The following GALK2 variants were observed in gnomAD, a reference collection of about 807,000 sequenced individuals.
The protein encoded by GALK2 is galactokinase 2.
In GALK2, 36 loss-of-function variants were observed where a neutral mutation model predicts 52.4. The ratio of observed to expected loss-of-function variants is 0.69; its 90% confidence interval spans 0.53 to 0.91. The LOEUF is 0.91. Among genes scored for constraint, GALK2 ranks in the 40% least tolerant of loss-of-function variants. GALK2 has a pLI of 0.00. For missense variants in GALK2, 579 were observed against 559.1 expected (o/e 1.04, Z -0.36); for synonymous variants, 176 against 199.1 (o/e 0.88, Z 0.98).
intron 5 of GALK2, among the ~76,000 whole-genome samples, chr15:49,274,020 C>G (rs1309367503): frequency 6.6e-6 from 1 of 152,122 alleles, no homozygotes; most frequent in Non-Finnish European, 1.5e-5. Context: ...AAGGTACCCT[C>G]GACAGGGAGA....
intron 3 of GALK2, among the ~76,000 whole-genome samples, chr15:49,231,640 T>C (rs949202505): frequency 5.9e-5 from 9 of 152,260 alleles, no homozygotes; most frequent in African/African-American, 2.2e-4. Flanking sequence ...TAGTTATTAC[T>C]TCCAACATAC....
At chr15:49,333,870 G>A (rs1257850287), downstream of GALK2, among the ~76,000 whole-genome samples, 2 of 151,980 alleles carry the variant, frequency 1.3e-5, no homozygotes, top group African/African-American at 2.4e-5. Flanking sequence ...GCTTCATTGA[G>A]GAAAAATGTT....
At position 49,188,050 on chromosome 15, in the gene GALK2, G is replaced by A. The variant is rs80060157; in HGVS notation, c.54-13112G>A. The stretch of plus-strand genomic sequence containing the variant: ...ACTGGGAATGCACAGGGTCACCCAA[G>A]GCCTATGACAAGTACTGCCTGGCAA... On this transcript the variant is annotated intron_variant, in intron 1 of 9. Coordinates refer to ENST00000560031, the MANE Select transcript of GALK2 (RefSeq NM_002044.4). Among the ~76,000 whole-genome samples the A allele has an allele frequency of 5.9e-3, 902 of 152,174 alleles. 15 individuals carry two copies. The highest frequency in any genetic ancestry group is 0.021 in the African/African-American group (869 of 41,506).
At chr15:49,265,651 C>A (rs1020943403) in intron 5 of GALK2, among the ~76,000 whole-genome samples, 1 of 152,246 alleles carries the variant, frequency 6.6e-6, no homozygotes, top group South Asian at 2.1e-4. Context: ...CAGAAATCAC[C>A]CGTCTTCTGC....
chr15:49,322,020 G>A (rs1002104839), intron 9 of GALK2, among the ~76,000 whole-genome samples: 5 of 152,160 alleles, frequency 3.3e-5, no homozygotes, highest in African/African-American at 9.7e-5. Flanking sequence ...CTGTTGCTTC[G>A]CTTTGTGTTC....
chr15:49,253,100 G>T lies in GALK2; in HGVS notation c.504+13733G>T, dbSNP rs2091678360. Among the ~76,000 whole-genome samples, 2 of 144,504 alleles carry T rather than the reference G, an allele frequency of 1.4e-5. 1 individual carries two copies. Among genetic ancestry groups the T allele is most frequent in the Non-Finnish European group, 3.1e-5 (2 of 64,364 alleles). The allele number at this position is 144,504 out of a possible 152,430, so 94.8% of individuals were successfully genotyped here. On this transcript the variant is annotated intron_variant, in intron 5 of 9. Transcript: ENST00000560031. ...TTATCCCTGCTCAAACTAATTTTCT[G>T]TTTGACTTCTTTTAAACTAACAATT...
chr15:49,206,280 G>A (rs965083375), intron 2 of GALK2, among the ~76,000 whole-genome samples: 7 of 151,326 alleles, frequency 4.6e-5, no homozygotes, highest in Admixed American at 3.9e-4. Flanking sequence ...TTTTTTTAGG[G>A]TACATGTGCA....
chr15:49,237,112 A>G (rs2090853410), intron 4 of GALK2, among the ~76,000 whole-genome samples: 1 of 152,198 alleles, frequency 6.6e-6, no homozygotes, highest in African/African-American at 2.4e-5. Context: ...CCTTGTAACA[A>G]CATGCCTTTT....
At position 49,329,695 on chromosome 15, in the gene GALK2, C is replaced by T; in HGVS notation, c.*1536C>T. 4.1e-6 allele frequency: 4 copies of T among 974,582 alleles called. No individual in the cohort carries two copies. The highest frequency in any genetic ancestry group is 5.3e-4 in the Middle Eastern group (1 of 1,888). 60.4% of individuals were successfully genotyped at this position (974,582 alleles called of 1,614,324 possible). A position where few individuals can be genotyped will look rare whatever the true frequency, so the allele number is the denominator to read the frequency against. ...TTTTGAGTTCTATAAATCCAAAAAT[C>T]TGAAACCTGAATTTATTTAAATTTA... On this transcript the variant is annotated 3_prime_UTR_variant, in exon 10 of 10. Coordinates refer to ENST00000560031, the MANE Select transcript of GALK2 (RefSeq NM_002044.4).
chr15:49,318,292 G>C (rs184762995), intron 8 of GALK2: 14 of 152,250 alleles, frequency 9.2e-5, no homozygotes, highest in African/African-American at 3.4e-4. Context: ...CAGTGTCACT[G>C]TGGGTAATCT....
intron 6 of GALK2, among the ~76,000 whole-genome samples, chr15:49,282,336 CT>C (rs1567017581): frequency 1.3e-5 from 2 of 152,170 alleles, no homozygotes; most frequent in African/African-American, 4.8e-5. Context: ...ATGTGTCTAG[CT>C]TTTTCCCCTC....
chr15:49,268,394 G>A (rs1049472917), intron 5 of GALK2, among the ~76,000 whole-genome samples: 1 of 152,192 alleles, frequency 6.6e-6, no homozygotes, highest in South Asian at 2.1e-4. Context: ...ATTTTTTAAA[G>A]TCACTATGTC....
At chr15:49,308,375 C>CA (rs1383887438) in intron 8 of GALK2, among the ~76,000 whole-genome samples, 1 of 152,170 alleles carries the variant, frequency 6.6e-6, no homozygotes, top group Non-Finnish European at 1.5e-5. Context: ...GCCCCTCACT[C>CA]AAACAGTGGG....
At chr15:49,326,471 C>T (rs997425025) in intron 9 of GALK2, among the ~76,000 whole-genome samples, 3 of 152,006 alleles carry the variant, frequency 2.0e-5, no homozygotes, top group Admixed American at 1.3e-4. Flanking sequence ...AGGCTGGTCT[C>T]AAACTCCTGA....
intron 5 of GALK2, among the ~76,000 whole-genome samples, chr15:49,277,450 G>T (rs2031986609): frequency 2.1e-5 from 3 of 144,206 alleles, no homozygotes; most frequent in Admixed American, 1.4e-4. Flanking sequence ...TGACAGGCGT[G>T]AGCCACCGCA....
At chr15:49,362,409 C>A (rs181370287) in intron 3 of GALK2, among the ~76,000 whole-genome samples, 1 of 152,184 alleles carries the variant, frequency 6.6e-6, no homozygotes, top group African/African-American at 2.4e-5. Context: ...TCCTGTTAAA[C>A]CTGCAGAACT....
intron 8 of GALK2, among the ~76,000 whole-genome samples, chr15:49,301,009 A>T (rs139587554): frequency 6.6e-6 from 1 of 152,192 alleles, no homozygotes; most frequent in Non-Finnish European, 1.5e-5. Flanking sequence ...GGCAGGTCCG[A>T]TGGTAATGAA....
At chr15:49,170,572 C>T in intron 1 of GALK2, 197 bp downstream of exon 1, 2 of 578,158 alleles carry the variant, frequency 3.5e-6, no homozygotes, top group Non-Finnish European at 6.2e-6. Context: ...TTGACTACTA[C>T]GAAGGGTTGT....
chr15:49,343,392 A>T (rs1259215165), intron 3 of GALK2, among the ~76,000 whole-genome samples: 1 of 151,962 alleles, frequency 6.6e-6, no homozygotes, highest in Non-Finnish European at 1.5e-5. Context: ...ATTTCCTAAG[A>T]TGTGTATCTC....
Sources: gnomAD v4.1 joint callset for allele counts (sites outside exome capture counted in the v4.1 genomes callset) on GRCh38, gnomAD v4.1.1 for gene constraint, MANE v1.5 for transcripts, NCBI Gene and HGNC (gene_info 2026-07-23, HGNC 2026-07-21) for gene names.